PARL: variants seen among roughly 807,000 people sequenced by gnomAD.
The protein encoded by PARL is presenilin associated rhomboid like.
A neutral mutation model predicts 51.6 loss-of-function variants in PARL; 44 were observed. That is an observed-to-expected ratio of 0.85 (90% confidence interval 0.67 to 1.10). PARL has a LOEUF of 1.10. Ranked by LOEUF, PARL falls within the 50% of genes least tolerant of loss-of-function variation. The pLI, the probability that PARL is intolerant of heterozygous loss-of-function variation, is 0.00. For synonymous variants in PARL, 172 were observed against 164.0 expected, an observed-to-expected ratio of 1.05 and a Z score of -0.37; for missense variants, 441 against 469.5, an observed-to-expected ratio of 0.94 and a Z score of 0.56.
intron 9 of PARL, 90 bp from the exon 10 acceptor site, chr3:183,829,799 A>T (rs184865590): frequency 9.8e-7 from 1 of 1,021,700 alleles, no homozygotes; most frequent in Non-Finnish European, 1.6e-6. Flanking sequence ...TGACATTTTT[A>T]AAATCGAATG....
At chr3:183,837,235 C>CT (rs1371193672) in intron 7 of PARL, among the ~76,000 whole-genome samples, 1 of 152,150 alleles carries the variant, frequency 6.6e-6, no homozygotes, top group Non-Finnish European at 1.5e-5. Flanking sequence ...AGCGGACCAG[C>CT]TAGGAAGCCT....
intron 1 of PARL, chr3:183,883,628 T>G: frequency 1.0e-6 from 1 of 985,286 alleles, no homozygotes; most frequent in African/African-American, 1.7e-5. Flanking sequence ...GATTACCACC[T>G]CCATCTGTCC....
downstream of PARL, among the ~76,000 whole-genome samples, chr3:183,827,437 G>C (rs1727501815): frequency 6.6e-6 from 1 of 151,198 alleles, no homozygotes; most frequent in East Asian, 1.9e-4. Context: ...GAGAGAGAGA[G>C]ACCCTGTCTC....
At chr3:183,860,517 G>C (rs1215538867) in intron 4 of PARL, among the ~76,000 whole-genome samples, 1 of 152,188 alleles carries the variant, frequency 6.6e-6, no homozygotes, top group Non-Finnish European at 1.5e-5. Context: ...TTGCAAGACA[G>C]ATCACAAGCA....
chr3:183,845,568 C>A (rs1312677917), intron 4 of PARL, among the ~76,000 whole-genome samples: 3 of 152,122 alleles, frequency 2.0e-5, no homozygotes, highest in Non-Finnish European at 4.4e-5. Context: ...TAAATAATTA[C>A]CCAGAACTCT....
chr3:183,834,886 CAA>C (rs60078452), intron 7 of PARL, among the ~76,000 whole-genome samples: 10 of 108,634 alleles, frequency 9.2e-5, no homozygotes, highest in African/African-American at 3.5e-4. Flanking sequence ...ACTAAAAATA[CAA>C]AAAAAAAAAA....
At chr3:183,875,415 CAAAAAAAAAAAA>C (rs61316689) in intron 1 of PARL, among the ~76,000 whole-genome samples, 2 of 60,150 alleles carry the variant, frequency 3.3e-5, no homozygotes, top group Admixed American at 5.0e-4. Flanking sequence ...ACTCTGTCTC[CAAAAAAAAAAAA>C]AAAAAAAAAA....
At chr3:183,826,565 T>A (rs1160184818), downstream of PARL, 2 of 982,606 alleles carry the variant, frequency 2.0e-6, no homozygotes, top group Non-Finnish European at 2.4e-6. Flanking sequence ...CTGCAGCACA[T>A]CCCTGGCCAG....
rs556827287 is a variant in PARL, at chr3:183,837,534, T to G, written c.828+3036A>C. Among the ~76,000 whole-genome samples, 10 of 152,220 alleles carry G rather than the reference T, an allele frequency of 6.6e-5. No individual in the cohort carries two copies. The South Asian group carries it at 2.1e-3, about 32-fold the overall frequency. On this transcript the variant is annotated intron_variant, in intron 7 of 9. Coordinates refer to ENST00000317096, the MANE Select transcript of PARL (RefSeq NM_018622.7). ...CACAGCGACATTAGCAGAGGCACAC[T>G]AGGTAGCCTGCACGCCCTCAGCTCC... is the stretch of plus-strand genomic sequence containing the variant.
intron 3 of PARL, among the ~76,000 whole-genome samples, chr3:183,863,460 T>A (rs1029168193): frequency 1.3e-5 from 2 of 152,090 alleles, no homozygotes; most frequent in African/African-American, 4.8e-5. Context: ...CTCTCTACAT[T>A]TGTATCTGCT....
chr3:183,828,674 C>T (rs1179408011), downstream of PARL, among the ~76,000 whole-genome samples: 2 of 152,216 alleles, frequency 1.3e-5, no homozygotes, highest in East Asian at 3.8e-4. Flanking sequence ...CCAAAGCCGC[C>T]ATTCCCATCC....
intron 3 of PARL, among the ~76,000 whole-genome samples, chr3:183,865,170 T>C (rs1030418886): frequency 6.6e-6 from 1 of 152,022 alleles, no homozygotes; most frequent in Non-Finnish European, 1.5e-5. Context: ...TGGCCCAGCA[T>C]GGTGGCACAC....
At chr3:183,864,154 TTCTGGCATAAAGCC>T (rs1262748801) in intron 3 of PARL, among the ~76,000 whole-genome samples, 3 of 152,212 alleles carry the variant, frequency 2.0e-5, no homozygotes, top group Non-Finnish European at 2.9e-5. Flanking sequence ...TTATCCACTG[TTCTGGCATAAAGCC>T]TCTCTAACAC....
intron 7 of PARL, among the ~76,000 whole-genome samples, chr3:183,837,831 G>T (rs888659329): frequency 6.6e-6 from 1 of 152,192 alleles, no homozygotes; most frequent in South Asian, 2.1e-4. Flanking sequence ...AAGACAATTG[G>T]CCGGGTGTAG....
chr3:183,884,529 G>A (rs78177170), intron 1 of PARL, among the ~76,000 whole-genome samples, 193 bp downstream of exon 1: 19,464 of 152,156 alleles, frequency 0.13, 1,870 homozygotes, highest in East Asian at 0.45. Flanking sequence ...CAGGCTCGCG[G>A]GGGGCTGGGC....
intron 1 of PARL, among the ~76,000 whole-genome samples, chr3:183,872,678 G>A (rs1733348493): frequency 1.3e-5 from 2 of 152,224 alleles, no homozygotes; most frequent in Middle Eastern, 3.4e-3. Flanking sequence ...CACTTTTCCA[G>A]GCTCCCCTAG....
At chr3:183,861,601 A>G (rs1323034478) in intron 4 of PARL, among the ~76,000 whole-genome samples, 1 of 152,216 alleles carries the variant, frequency 6.6e-6, no homozygotes, top group Non-Finnish European at 1.5e-5. Flanking sequence ...TTGAATGAAG[A>G]AAGATAAACA....
At chr3:183,876,259 G>A (rs1231274330) in intron 1 of PARL, among the ~76,000 whole-genome samples, 1 of 152,016 alleles carries the variant, frequency 6.6e-6, no homozygotes, top group African/African-American at 2.4e-5. Context: ...GTTGGCCAGG[G>A]TGGTCTTGAA....
intron 3 of PARL, among the ~76,000 whole-genome samples, chr3:183,864,211 G>C (rs11716104): frequency 0.28 from 42,282 of 152,068 alleles, 6,030 homozygotes; most frequent in East Asian, 0.53. Flanking sequence ...ATGTGCCCAT[G>C]GGAAAACAAG....
Sources: gnomAD v4.1 joint callset for allele counts (sites outside exome capture counted in the v4.1 genomes callset) on GRCh38, gnomAD v4.1.1 for gene constraint, MANE v1.5 for transcripts, NCBI Gene and HGNC (gene_info 2026-07-23, HGNC 2026-07-21) for gene names.